Variants in UBR3 observed in about 807,000 individuals in gnomAD.
UBR3 encodes the protein ubiquitin protein ligase E3 component n-recognin 3.
UBR3 carries 85 observed loss-of-function variants against 243.2 expected under a neutral mutation model. The ratio of observed to expected loss-of-function variants is 0.35; its 90% confidence interval spans 0.29 to 0.42. UBR3 has a LOEUF of 0.42. Among genes scored for constraint, UBR3 ranks in the 10% least tolerant of loss-of-function variants. The pLI, the probability that UBR3 is intolerant of heterozygous loss-of-function variation, is 1.00. For missense variants in UBR3, 1,686 were observed against 2,300.8 expected (o/e 0.73, Z 5.47); for synonymous variants, 748 against 799.8 (o/e 0.94, Z 1.09).
chr2:169,949,880 A>G lies in UBR3; in HGVS notation c.3360A>G (p.Gln1120=). The part of the protein sequence containing the change: ...PWLDDIEILI[Q]PEIPKYSHGD... ...TTGATGACATAGAAATTTTAATCCA[A>G]CCAGAAATTCCTAAATACAGTCATG... The change falls in exon 23 of 39, where the codon CAA becomes CAG. Residue 1120 remains glutamine, a synonymous_variant. Coordinates refer to ENST00000272793, the MANE Select transcript of UBR3 (RefSeq NM_172070.4). 6.2e-7 allele frequency: 1 copy of G among 1,607,410 alleles called. No homozygotes were observed. The highest frequency in any genetic ancestry group is 8.5e-7 in the Non-Finnish European group (1 of 1,176,208).
intron 32 of UBR3, among the ~76,000 whole-genome samples, chr2:170,051,164 AT>A (rs1208303436): frequency 6.6e-6 from 1 of 152,044 alleles, no homozygotes; most frequent in African/African-American, 2.4e-5. Context: ...TTGAGCCATG[AT>A]TGGCTGAATC....
chr2:169,891,282 A>T (rs2084364084), intron 6 of UBR3, 51 bp downstream of exon 6: 1 of 1,397,078 alleles, frequency 7.2e-7, no homozygotes, highest in Non-Finnish European at 9.9e-7. Context: ...CTTCTAAAAA[A>T]TGCCTAATCA....
At chr2:170,005,476 C>T (rs768058623) in intron 27 of UBR3, among the ~76,000 whole-genome samples, 40 of 151,984 alleles carry the variant, frequency 2.6e-4, no homozygotes, top group Non-Finnish European at 3.7e-4. Context: ...ACATAGAGGG[C>T]GAGTGGGAAA....
chr2:169,954,188 G>A (rs1419576676), intron 23 of UBR3, among the ~76,000 whole-genome samples: 1 of 150,406 alleles, frequency 6.6e-6, no homozygotes. Flanking sequence ...GTCTTGTCTT[G>A]TCTTGTCTTG....
intron 24 of UBR3, 110 bp from the exon 25 acceptor site, chr2:169,986,530 ATACTT>A (rs2089010492): frequency 1.1e-6 from 1 of 911,992 alleles, no homozygotes; most frequent in African/African-American, 1.7e-5. Flanking sequence ...TTATTACTGT[ATACTT>A]TATTGATATT....
intron 2 of UBR3, among the ~76,000 whole-genome samples, chr2:169,873,305 A>C (rs1249287897): frequency 6.6e-6 from 1 of 152,132 alleles, no homozygotes; most frequent in African/African-American, 2.4e-5. Flanking sequence ...ATACTTCCTT[A>C]TTTGTACATT....
Position 169,923,968 on chromosome 2 carries a change from C to T in UBR3, c.1906C>T (p.Arg636Cys), listed in dbSNP as rs1171616798. 3 of 1,546,998 alleles carry T rather than the reference C, an allele frequency of 1.9e-6. No homozygotes were observed. Among genetic ancestry groups the T allele is most frequent in the Non-Finnish European group, 2.6e-6 (3 of 1,145,818 alleles). ...AGTCACTTTTCATCTGCCACTACAT[C>T]GTTACTATGCTATGTTTTTGAGTAA... ...NQVTFHLPLH[R>C]YYAMFLSKAV... The change falls in exon 12 of 39, where the codon CGT becomes TGT. Residue 636 changes from arginine (R) to cysteine (C), a missense_variant. Arg to Cys is a radical substitution (Grantham distance 180). Coordinates refer to ENST00000272793, the MANE Select transcript of UBR3 (RefSeq NM_172070.4).
intron 20 of UBR3, 108 bp downstream of exon 20, chr2:169,942,742 T>G: frequency 8.9e-7 from 1 of 1,127,416 alleles, no homozygotes; most frequent in Non-Finnish European, 1.2e-6. Context: ...CAAAGTGTAT[T>G]TATGCATTTA....
chr2:169,895,388 T>C lies in UBR3; in HGVS notation c.1236+77T>C, dbSNP rs557298659. ...TTCATTATTAAATCTTTTTTTGATA[T>C]ATTTCTCAGGTGAAGGTTGATATAA... On this transcript the variant is annotated intron_variant, in intron 7 of 38. Transcript: ENST00000272793. The C allele has an allele frequency of 1.0e-5, 15 of 1,428,638 alleles. No homozygotes were observed. In the African/African-American group the frequency reaches 1.9e-4, roughly 18 times the overall value. 88.5% of individuals were successfully genotyped at this position (1,428,638 alleles called of 1,614,324 possible). A position where few individuals can be genotyped will look rare whatever the true frequency, so the allele number is the denominator to read the frequency against.
chr2:169,890,650 C>G (rs2084342806), intron 5 of UBR3, among the ~76,000 whole-genome samples: 1 of 137,230 alleles, frequency 7.3e-6, no homozygotes, highest in African/African-American at 2.7e-5. Context: ...GATTTTTTTT[C>G]TAAGCATATT....
intron 35 of UBR3, among the ~76,000 whole-genome samples, chr2:170,072,581 A>T (rs574804763): frequency 6.6e-6 from 1 of 152,016 alleles, no homozygotes; most frequent in Non-Finnish European, 1.5e-5. Flanking sequence ...ATAATAATAA[A>T]ATTTAAAAAA....
At chr2:169,945,356 C>T (rs2105358558) in intron 20 of UBR3, among the ~76,000 whole-genome samples, 1 of 152,230 alleles carries the variant, frequency 6.6e-6, no homozygotes, top group African/African-American at 2.4e-5. Context: ...TATAGAAGCC[C>T]TCTGAATAGT....
chr2:170,057,830 A>G (rs2091369479), intron 33 of UBR3, among the ~76,000 whole-genome samples: 1 of 152,142 alleles, frequency 6.6e-6, no homozygotes, highest in African/African-American at 2.4e-5. Flanking sequence ...CTATATAAAT[A>G]TATAATTTTC....
intron 35 of UBR3, among the ~76,000 whole-genome samples, chr2:170,068,019 C>T (rs1191981201): frequency 6.6e-6 from 1 of 152,004 alleles, no homozygotes; most frequent in Non-Finnish European, 1.5e-5. Context: ...ATCCATCCAC[C>T]TTGGCCTCCC....
At chr2:169,828,189 A>T in intron 1 of UBR3, 137 bp downstream of exon 1, 4 of 856,186 alleles carry the variant, frequency 4.7e-6, no homozygotes, top group Non-Finnish European at 5.9e-6. Context: ...AGGGGGATGG[A>T]GGTGACTGAG....
chr2:169,938,774 A>G lies in UBR3; in HGVS notation c.2664-3719A>G, dbSNP rs189789538. Among the ~76,000 whole-genome samples, 5 of 152,346 alleles carry G rather than the reference A, an allele frequency of 3.3e-5. No homozygotes were observed. The East Asian group carries it at 7.7e-4, about 23-fold the overall frequency. On this transcript the variant is annotated intron_variant, in intron 19 of 38. Transcript: ENST00000272793. The stretch of plus-strand genomic sequence containing the variant: ...TTCCCCAAGAGTTTTATGCCTAAAA[A>G]TATAAAACTAAAGCTGAAGCTTTTA...
intron 1 of UBR3, among the ~76,000 whole-genome samples, chr2:169,837,681 C>T (rs1418195961): frequency 4.6e-5 from 7 of 152,188 alleles, no homozygotes; most frequent in African/African-American, 1.7e-4. Context: ...CGTGAGAACT[C>T]ACTCACTATC....
intron 32 of UBR3, among the ~76,000 whole-genome samples, chr2:170,049,448 A>G (rs1170161712): frequency 6.6e-6 from 1 of 152,112 alleles, no homozygotes; most frequent in Non-Finnish European, 1.5e-5. Flanking sequence ...CACAGTTCAA[A>G]CCCATCTTGT....
At chr2:169,882,372 TATATATTATATATAAAA>T (rs1166013439) in intron 5 of UBR3, among the ~76,000 whole-genome samples, 1 of 141,372 alleles carries the variant, frequency 7.1e-6, no homozygotes, top group Non-Finnish European at 1.5e-5. Flanking sequence ...TATATGTAAA[TATATATTATATATAAAA>T]ATATATATAT....
Sources: gnomAD v4.1 joint callset for allele counts (sites outside exome capture counted in the v4.1 genomes callset) on GRCh38, gnomAD v4.1.1 for gene constraint, MANE v1.5 for transcripts, NCBI Gene and HGNC (gene_info 2026-07-23, HGNC 2026-07-21) for gene names.